SOS1: variants seen among roughly 807,000 people sequenced by gnomAD.
The protein encoded by SOS1 is SOS Ras/Rac guanine nucleotide exchange factor 1.
In SOS1, 25 loss-of-function variants were observed where a neutral mutation model predicts 157.6. The observed-to-expected ratio is 0.16, with a 90% CI of 0.12 to 0.22. The LOEUF is 0.22. Ranked by LOEUF, SOS1 falls within the 10% of genes least tolerant of loss-of-function variation. The pLI, the probability that SOS1 is intolerant of heterozygous loss-of-function variation, is 1.00. For synonymous variants in SOS1, 528 were observed against 534.0 expected (o/e 0.99, Z 0.16); for missense variants, 1,237 against 1,599.1 (o/e 0.77, Z 3.86).
intron 1 of SOS1, among the ~76,000 whole-genome samples, chr2:39,118,890 T>A (rs1214813830): frequency 2.0e-5 from 3 of 152,228 alleles, no homozygotes; most frequent in African/African-American, 7.2e-5. Context: ...CCTACAATAT[T>A]CTTTCCACTG....
At chr2:39,001,008 G>C (rs968643280) in intron 17 of SOS1, among the ~76,000 whole-genome samples, 2 of 152,158 alleles carry the variant, frequency 1.3e-5, no homozygotes, top group African/African-American at 4.8e-5. Context: ...AATGCTAAAG[G>C]CTTGGATGTT....
intron 6 of SOS1, among the ~76,000 whole-genome samples, chr2:39,049,036 G>A (rs559676935): frequency 2.4e-4 from 37 of 152,180 alleles, no homozygotes; most frequent in African/African-American, 8.7e-4. Context: ...TCCTGCCTCA[G>A]CGTCCCGAGT....
rs371037210 is a variant in SOS1 at position 39,094,368 on chromosome 2, C to T, written c.87+25968G>A. ...TAATTTTTTAAGAGTGTGAAGGGGG[C>T]CGGGTGCAGTAGCTCACGCCTGTAA... On this transcript the variant is annotated intron_variant, in intron 1 of 22. Transcript: ENST00000402219. 5.9e-5 allele frequency among the ~76,000 whole-genome samples: 9 copies of T among 152,114 alleles called. No individual in the cohort carries two copies. The East Asian group carries it at 1.7e-3, about 29-fold the overall frequency.
Position 39,113,936 on chromosome 2 carries a change from ATTC to A in SOS1, c.87+6397_87+6399del, listed in dbSNP as rs528280506. ...AGCAAAAAGGTCAGCAGCCCTTGCT[ATTC>A]TTACTTTTCCCATGTTCTTCCATCT... is the stretch of plus-strand genomic sequence containing the variant. On this transcript the variant is annotated intron_variant, in intron 1 of 22. Coordinates refer to ENST00000402219, the MANE Select transcript of SOS1 (RefSeq NM_005633.4). 7.2e-3 allele frequency among the ~76,000 whole-genome samples: 1,094 copies of A among 152,290 alleles called. 7 individuals are homozygous for A. Among genetic ancestry groups the A allele is most frequent in the Middle Eastern group, 0.014 (4 of 294 alleles).
At chr2:39,028,068 A>G (rs1191509095) in intron 8 of SOS1, among the ~76,000 whole-genome samples, 1 of 152,118 alleles carries the variant, frequency 6.6e-6, no homozygotes, top group Non-Finnish European at 1.5e-5. Context: ...TTGGCCTCCC[A>G]AAGTACTGGG....
At position 39,064,742 on chromosome 2, in the gene SOS1, A is replaced by ATTTTTTTTT. The variant is rs4015841; in HGVS notation, c.213+2877_213+2885dup. Among the ~76,000 whole-genome samples, 28 of 74,806 alleles carry ATTTTTTTTT rather than the reference A, an allele frequency of 3.7e-4. 1 individual carries two copies. The highest frequency in any genetic ancestry group is 4.4e-4 in the African/African-American group (8 of 18,038). The allele number at this position is 74,806 out of a possible 152,430, so 49.1% of individuals were successfully genotyped here. A position where few individuals can be genotyped will look rare whatever the true frequency, so the allele number is the denominator to read the frequency against. ...TCAGATTGATCTATTTTTAAAATACATTTTTTTTTTTTTTTTTTTTTTTGG... is the reference window on the plus strand; with the variant it reads ...TCAGATTGATCTATTTTTAAAATACATTTTTTTTTTTTTTTTTTTTTTTTTTTTTTTTGG... On this transcript the variant is annotated intron_variant, in intron 2 of 22. Transcript: ENST00000402219.
chr2:39,074,269 G>A (rs1387083311), intron 1 of SOS1, among the ~76,000 whole-genome samples: 2 of 150,994 alleles, frequency 1.3e-5, no homozygotes, highest in African/African-American at 4.9e-5. Flanking sequence ...AGAATCGCTT[G>A]AACCCGGGAG....
At chr2:39,011,375 T>G (rs566904803) in intron 14 of SOS1, among the ~76,000 whole-genome samples, 2 of 152,270 alleles carry the variant, frequency 1.3e-5, no homozygotes, top group African/African-American at 4.8e-5. Context: ...ATGATATCTG[T>G]TATAATCAGT....
At chr2:39,064,412 C>A (rs891353807) in intron 2 of SOS1, among the ~76,000 whole-genome samples, 2 of 152,014 alleles carry the variant, frequency 1.3e-5, no homozygotes, top group Admixed American at 6.6e-5. Flanking sequence ...GCAAATGGTG[C>A]CTTACATTCT....
chr2:39,109,809 G>A (rs757272415), intron 1 of SOS1, among the ~76,000 whole-genome samples: 1 of 152,082 alleles, frequency 6.6e-6, no homozygotes, highest in South Asian at 2.1e-4. Flanking sequence ...GCACATAGCA[G>A]GAACTCAATA....
At chr2:39,032,887 G>T (rs1170166764) in intron 8 of SOS1, among the ~76,000 whole-genome samples, 4 of 151,936 alleles carry the variant, frequency 2.6e-5, no homozygotes, top group African/African-American at 9.7e-5. Flanking sequence ...ATCGCTCGAA[G>T]CTGGGAGGCA....
intron 6 of SOS1, among the ~76,000 whole-genome samples, chr2:39,048,557 T>C (rs547694382): frequency 1.1e-4 from 16 of 151,942 alleles, no homozygotes; most frequent in Non-Finnish European, 2.2e-4. Flanking sequence ...CCCACCACCA[T>C]GCCTCGCTAA....
intron 11 of SOS1, among the ~76,000 whole-genome samples, chr2:39,014,396 C>T (rs1467540102): frequency 6.6e-6 from 1 of 151,994 alleles, no homozygotes; most frequent in African/African-American, 2.4e-5. Context: ...TATTTTCCTT[C>T]CATCACAGTA....
chr2:39,111,378 A>C (rs1161645502), intron 1 of SOS1, among the ~76,000 whole-genome samples: 4 of 152,244 alleles, frequency 2.6e-5, no homozygotes, highest in African/African-American at 7.2e-5. Flanking sequence ...AATTCTTTAG[A>C]CTTTTCTGTG....
intron 17 of SOS1, among the ~76,000 whole-genome samples, chr2:39,003,066 C>A (rs201778327): frequency 9.7e-4 from 70 of 72,294 alleles, no homozygotes; most frequent in African/African-American, 2.2e-3. Context: ...GACCTTGTAT[C>A]AAAAAAAAAA....
At chr2:39,030,229 C>T (rs1473673394) in intron 8 of SOS1, among the ~76,000 whole-genome samples, 2 of 46,014 alleles carry the variant, frequency 4.3e-5, no homozygotes, top group Non-Finnish European at 8.3e-5. Flanking sequence ...TGGCCTAACA[C>T]AAAAAAAGAA....
At chr2:39,115,048 T>C (rs1008933510) in intron 1 of SOS1, among the ~76,000 whole-genome samples, 23 of 152,220 alleles carry the variant, frequency 1.5e-4, no homozygotes, top group Non-Finnish European at 7.3e-5. Context: ...CCCCCACTTC[T>C]TATGCCAGCC....
chr2:39,001,106 G>A (rs568209649), intron 17 of SOS1, among the ~76,000 whole-genome samples: 3 of 152,272 alleles, frequency 2.0e-5, no homozygotes, highest in African/African-American at 4.8e-5. Context: ...TCACCCAGGC[G>A]GGAGTATAGT....
intron 1 of SOS1, among the ~76,000 whole-genome samples, chr2:39,102,102 G>A (rs914935516): frequency 2.0e-5 from 3 of 148,792 alleles, no homozygotes; most frequent in Non-Finnish European, 1.5e-5. Flanking sequence ...CTACTCGGGA[G>A]GCTGAGGCAG....
Sources: gnomAD v4.1 joint callset for allele counts (sites outside exome capture counted in the v4.1 genomes callset) on GRCh38, gnomAD v4.1.1 for gene constraint, MANE v1.5 for transcripts, NCBI Gene and HGNC (gene_info 2026-07-23, HGNC 2026-07-21) for gene names.